The following NUP93 variants were observed in gnomAD, a reference collection of about 807,000 sequenced individuals.
NUP93 encodes nucleoporin 93.
In NUP93, 55 loss-of-function variants were observed where a neutral mutation model predicts 107.8. The observed-to-expected ratio is 0.51, with a 90% confidence interval of 0.41 to 0.64. The LOEUF (loss-of-function observed/expected upper bound fraction) is 0.64. NUP93 is among the 30% of genes least tolerant of loss of function. NUP93 has a pLI of 0.00. For synonymous variants in NUP93, 390 were observed against 397.5 expected (o/e 0.98, Z 0.22); for missense variants, 937 against 1,044.7 (o/e 0.90, Z 1.42).
At chr16:56,780,951 A>G (rs1962503587) in intron 3 of NUP93, among the ~76,000 whole-genome samples, 1 of 152,132 alleles carries the variant, frequency 6.6e-6, no homozygotes, top group South Asian at 2.1e-4. Context: ...GCTTTTTCAC[A>G]AGCTTTCCTA....
chr16:56,809,057 G>A (rs1300915420), intron 5 of NUP93, among the ~76,000 whole-genome samples: 2 of 152,062 alleles, frequency 1.3e-5, no homozygotes, highest in African/African-American at 2.4e-5. Flanking sequence ...TGAATGCTCT[G>A]TTCTGCATTT....
chr16:56,735,061 C>G (rs1237168207), intron 1 of NUP93, among the ~76,000 whole-genome samples: 6 of 152,156 alleles, frequency 3.9e-5, no homozygotes, highest in Non-Finnish European at 8.8e-5. Context: ...CATACACAGA[C>G]AGAGCTCAGG....
intron 3 of NUP93, among the ~76,000 whole-genome samples, chr16:56,784,079 AC>A (rs1324827126): frequency 2.0e-5 from 3 of 152,188 alleles, no homozygotes; most frequent in African/African-American, 7.2e-5. Flanking sequence ...TGATTTTAGC[AC>A]ATGATTTTAA....
At chr16:56,756,890 T>G (rs1335789769) in intron 2 of NUP93, among the ~76,000 whole-genome samples, 1 of 152,178 alleles carries the variant, frequency 6.6e-6, no homozygotes, top group Non-Finnish European at 1.5e-5. Flanking sequence ...TCTCTAATAA[T>G]CAGTGATATT....
Position 56,837,653 on chromosome 16 carries a change from G to C in NUP93, c.1945G>C (p.Val649Leu), listed in dbSNP as rs1427884930. 1.9e-6 allele frequency: 3 copies of C among 1,614,168 alleles called. No homozygotes were observed. Among genetic ancestry groups the C allele is most frequent in the Non-Finnish European group, 1.7e-6 (2 of 1,180,006 alleles). Residue 649 changes from valine (V) to leucine (L), a missense_variant, in exon 18 of 22, where the codon GTC becomes CTC. Val to Leu is a conservative substitution (Grantham distance 32, BLOSUM62 1). Coordinates refer to ENST00000308159, the MANE Select transcript of NUP93 (RefSeq NM_014669.5). ...GCTGATGAACAAACTGCTGAGCCCT[G>C]TCGTCCCCCAGATCAGTGCCCCGCA... Reference protein sequence around the residue: ...LELMNKLLSPVVPQISAPQSN... With the variant: ...LELMNKLLSPLVPQISAPQSN...
intron 3 of NUP93, among the ~76,000 whole-genome samples, chr16:56,762,797 T>C (rs1357403124): frequency 6.6e-6 from 1 of 152,124 alleles, no homozygotes; most frequent in Non-Finnish European, 1.5e-5. Flanking sequence ...GGGAGACTCC[T>C]TCCTCTTCTG....
chr16:56,829,184 A>C (rs945770288), intron 9 of NUP93, 75 bp downstream of exon 9: 1 of 1,530,250 alleles, frequency 6.5e-7, no homozygotes, highest in Non-Finnish European at 8.8e-7. Flanking sequence ...TTCAGTTAAA[A>C]TGAGGGTATC....
At chr16:56,754,509 A>G (rs1961981913) in intron 2 of NUP93, among the ~76,000 whole-genome samples, 1 of 152,236 alleles carries the variant, frequency 6.6e-6, no homozygotes. Flanking sequence ...TACCTCCAAG[A>G]TACAATGGGG....
chr16:56,818,760 A>G (rs2144604561), intron 6 of NUP93, 22 bp downstream of exon 6: 1 of 1,603,554 alleles, frequency 6.2e-7, no homozygotes, highest in South Asian at 1.1e-5. Flanking sequence ...TTTAAGGGGG[A>G]TTAAGCCAGG....
At chr16:56,776,320 G>C (rs1962416323) in intron 3 of NUP93, among the ~76,000 whole-genome samples, 2 of 151,924 alleles carry the variant, frequency 1.3e-5, no homozygotes, top group South Asian at 4.1e-4. Flanking sequence ...TTTCTTACCA[G>C]TATCTGGCCA....
At chr16:56,746,654 A>G (rs1961825598) in intron 1 of NUP93, among the ~76,000 whole-genome samples, 1 of 152,260 alleles carries the variant, frequency 6.6e-6, no homozygotes, top group African/African-American at 2.4e-5. Flanking sequence ...TGGCAGTAAC[A>G]GTGTCCTTTT....
intron 3 of NUP93, among the ~76,000 whole-genome samples, chr16:56,763,175 G>A (rs1336672444): frequency 6.6e-6 from 1 of 152,182 alleles, no homozygotes; most frequent in Non-Finnish European, 1.5e-5. Flanking sequence ...TCCATGGGCA[G>A]TATTGGGATA....
At position 56,756,375 on chromosome 16, in the gene NUP93, T is replaced by C. The variant is rs182996477; in HGVS notation, c.180-2163T>C. 3.7e-4 allele frequency among the ~76,000 whole-genome samples: 53 copies of C among 142,132 alleles called. 2 individuals carry two copies. The East Asian group carries it at 0.011, about 30-fold the overall frequency. 93.2% of individuals were successfully genotyped at this position (142,132 alleles called of 152,430 possible). A position where few individuals can be genotyped will look rare whatever the true frequency, so the allele number is the denominator to read the frequency against. ...GTGTTCTCTGTTCAACTCGCACTTATGAGTGAGAACATGCAGTGTTTGGTT... is the reference window on the plus strand; with the variant it reads ...GTGTTCTCTGTTCAACTCGCACTTACGAGTGAGAACATGCAGTGTTTGGTT... On this transcript the variant is annotated intron_variant, in intron 2 of 21. Transcript: ENST00000308159.
At chr16:56,752,558 A>G (rs1300110092) in intron 2 of NUP93, among the ~76,000 whole-genome samples, 2 of 152,212 alleles carry the variant, frequency 1.3e-5, no homozygotes, top group African/African-American at 4.8e-5. Context: ...AAGACTTAAT[A>G]GTAAGATACT....
At chr16:56,779,294 T>C (rs796147720) in intron 3 of NUP93, among the ~76,000 whole-genome samples, 4 of 152,336 alleles carry the variant, frequency 2.6e-5, no homozygotes, top group African/African-American at 9.6e-5. Context: ...CCACAAAAGT[T>C]CAATAGCTCC....
At chr16:56,732,814 C>T (rs1048652449) in intron 1 of NUP93, among the ~76,000 whole-genome samples, 1 of 152,178 alleles carries the variant, frequency 6.6e-6, no homozygotes, top group African/African-American at 2.4e-5. Context: ...TTTAATTCAA[C>T]AAATATGTAT....
At chr16:56,783,763 G>C in intron 3 of NUP93, 4 of 985,418 alleles carry the variant, frequency 4.1e-6, no homozygotes, top group Non-Finnish European at 4.8e-6. Context: ...CCATGGCACA[G>C]GAGCTTTGTT....
intron 9 of NUP93, 99 bp downstream of exon 9, chr16:56,829,208 G>T: frequency 2.2e-6 from 3 of 1,394,924 alleles, no homozygotes; most frequent in Admixed American, 2.3e-5. Flanking sequence ...GGAGACTACT[G>T]TGTGGAGATG....
intron 3 of NUP93, chr16:56,784,022 C>T: frequency 2.6e-6 from 1 of 381,990 alleles, no homozygotes; most frequent in Non-Finnish European, 3.6e-6. Flanking sequence ...TAATGTATTT[C>T]TCAAAAACCA....
Sources: allele counts gnomAD v4.1 joint callset (sites outside exome capture counted in the v4.1 genomes callset), GRCh38; gene constraint gnomAD v4.1.1; transcripts MANE v1.5; gene names NCBI Gene and HGNC (gene_info 2026-07-23, HGNC 2026-07-21).